The following SCARA3 variants were observed in gnomAD, a reference collection of about 807,000 sequenced individuals.
The protein encoded by SCARA3 is scavenger receptor class A member 3.
SCARA3 carries 39 observed loss-of-function variants against 47.0 expected under a neutral mutation model. The observed-to-expected ratio is 0.83, with a 90% CI of 0.64 to 1.08. The LOEUF (loss-of-function observed/expected upper bound fraction) is 1.08, where lower values mean the gene tolerates loss of function less well. Among genes scored for constraint, SCARA3 ranks in the 50% least tolerant of loss-of-function variants. SCARA3 has a pLI of 0.00. For missense variants in SCARA3, 724 were observed against 792.3 expected (o/e 0.91, Z 1.04); for synonymous variants, 356 against 334.1 (o/e 1.07, Z -0.71).
chr8:27,660,408 A>G (rs143640423), intron 5 of SCARA3, among the ~76,000 whole-genome samples: 40 of 152,176 alleles, frequency 2.6e-4, no homozygotes, highest in South Asian at 6.2e-4. Context: ...AGATAGATGG[A>G]TATATAGATG....
intron 3 of SCARA3, among the ~76,000 whole-genome samples, chr8:27,654,958 A>G (rs1463375815): frequency 6.6e-6 from 1 of 152,200 alleles, no homozygotes; most frequent in East Asian, 1.9e-4. Flanking sequence ...TATGCATGAA[A>G]TCTTAATTGT....
rs1178168934 is a variant in SCARA3 at position 27,634,166 on chromosome 8, A to T, written c.-35A>T. ...CTCCACTACAGCTCCAGCCGCCTGCAGCGGGGCCCTCCTGAGGCCCCAGAG... is the reference window on the plus strand; with the variant it reads ...CTCCACTACAGCTCCAGCCGCCTGCTGCGGGGCCCTCCTGAGGCCCCAGAG... On this transcript the variant is annotated 5_prime_UTR_variant, in exon 1 of 6. Coordinates refer to ENST00000301904, the MANE Select transcript of SCARA3 (RefSeq NM_016240.3). The T allele has an allele frequency of 4.1e-6, 6 of 1,447,944 alleles. No individual in the cohort carries two copies. The highest frequency in any genetic ancestry group is 2.0e-4 in the Middle Eastern group (1 of 5,094). The allele number at this position is 1,447,944 out of a possible 1,614,324, so 89.7% of individuals were successfully genotyped here.
downstream of SCARA3, among the ~76,000 whole-genome samples, chr8:27,676,161 G>A (rs1237254641): frequency 1.3e-5 from 2 of 152,170 alleles, no homozygotes; most frequent in African/African-American, 2.4e-5. Flanking sequence ...GCTATACTGA[G>A]CTGCTTCTTA....
chr8:27,660,155 A>G (rs899600406), intron 5 of SCARA3, among the ~76,000 whole-genome samples: 90 of 151,782 alleles, frequency 5.9e-4, no homozygotes, highest in African/African-American at 1.8e-3. Flanking sequence ...CATCCCCCTC[A>G]TGTCTTCCTT....
chr8:27,650,440 C>A (rs1022213404), intron 2 of SCARA3, among the ~76,000 whole-genome samples: 1 of 152,170 alleles, frequency 6.6e-6, no homozygotes, highest in African/African-American at 2.4e-5. Flanking sequence ...TCATTGTGTC[C>A]CATGCCACCT....
the SCARA3 span, among the ~76,000 whole-genome samples, chr8:27,682,482 A>G: frequency 6.6e-6 from 1 of 152,176 alleles, no homozygotes; most frequent in African/African-American, 2.4e-5. Flanking sequence ...TATGTTACAC[A>G]TTCGGAGAAA....
the SCARA3 span, among the ~76,000 whole-genome samples, chr8:27,722,380 A>AT: frequency 6.6e-6 from 1 of 152,080 alleles, no homozygotes; most frequent in Non-Finnish European, 1.5e-5. Context: ...CAGAGAGCTC[A>AT]TGGTTCATGT....
In SCARA3 at chr8:27,671,603, C is replaced by T. The variant is rs1802160610; in HGVS notation, c.*252C>T. ...ATGCACACATACACGCACATGCACA[C>T]ATACACATGCATGCACACATACACA... On this transcript the variant is annotated 3_prime_UTR_variant, in exon 6 of 6. Coordinates refer to ENST00000301904, the MANE Select transcript of SCARA3 (RefSeq NM_016240.3). The T allele has an allele frequency of 8.1e-7, 1 of 1,229,932 alleles. No individual in the cohort carries two copies. The highest frequency in any genetic ancestry group is 1.0e-6 in the Non-Finnish European group (1 of 986,246). 76.2% of individuals were successfully genotyped at this position (1,229,932 alleles called of 1,614,324 possible).
chr8:27,659,045 A>G lies in SCARA3; in HGVS notation c.875A>G (p.Gln292Arg). The G allele has an allele frequency of 1.2e-6, 2 of 1,614,126 alleles. No individual in the cohort carries two copies. Among genetic ancestry groups the G allele is most frequent in the South Asian group, 1.1e-5 (1 of 91,076 alleles). ...TLGASSQRIS[Q>R]NSESMHDLVL... ...GGGGCCTCCTCACAGCGCATCAGCC[A>G]GAACTCAGAGAGCATGCACGACCTG... Residue 292 changes from glutamine (Q) to arginine (R), a missense_variant, in exon 5 of 6, where the codon CAG (glutamine) becomes CGG (arginine). By Grantham distance (43) the Gln-to-Arg change is conservative (BLOSUM62 1). Coordinates refer to ENST00000301904, the MANE Select transcript of SCARA3 (RefSeq NM_016240.3).
the SCARA3 span, among the ~76,000 whole-genome samples, chr8:27,693,752 T>A: frequency 2.0e-5 from 3 of 152,184 alleles, no homozygotes; most frequent in Non-Finnish European, 4.4e-5. Context: ...CCTGGAGGCT[T>A]GATCTGCATG....
downstream of SCARA3, among the ~76,000 whole-genome samples, chr8:27,681,606 C>T (rs904930671): frequency 1.3e-5 from 2 of 151,990 alleles, no homozygotes; most frequent in Non-Finnish European, 2.9e-5. Flanking sequence ...CCTGTAGCCC[C>T]AGCTACTCTG....
downstream of SCARA3, chr8:27,676,522 C>T (rs1179699780): frequency 8.1e-6 from 13 of 1,600,716 alleles, no homozygotes; most frequent in Non-Finnish European, 1.1e-5. Flanking sequence ...AAGTGAGGAA[C>T]AAACTATTAA....
downstream of SCARA3, among the ~76,000 whole-genome samples, chr8:27,674,606 C>G (rs930661510): frequency 6.6e-6 from 1 of 152,118 alleles, no homozygotes; most frequent in African/African-American, 2.4e-5. Flanking sequence ...TGAGTGGTAA[C>G]AGCCATTGGA....
At chr8:27,729,210 G>A in the SCARA3 span, among the ~76,000 whole-genome samples, 8 of 152,036 alleles carry the variant, frequency 5.3e-5, no homozygotes, top group East Asian at 1.9e-4. Context: ...TCCTTTTTTC[G>A]GTCCTACCAA....
chr8:27,725,784 G>T, the SCARA3 span, among the ~76,000 whole-genome samples: 3 of 152,178 alleles, frequency 2.0e-5, no homozygotes, highest in Non-Finnish European at 4.4e-5. Flanking sequence ...CTTGCCCCAT[G>T]GGATGTCAGA....
chr8:27,686,749 C>T, the SCARA3 span, among the ~76,000 whole-genome samples: 10 of 152,328 alleles, frequency 6.6e-5, no homozygotes, highest in African/African-American at 1.4e-4. Context: ...CGAGTATCCA[C>T]ACCCTCTTCT....
intron 2 of SCARA3, 46 bp from the exon 3 acceptor site, chr8:27,651,462 C>A (rs1585281179): frequency 1.3e-6 from 2 of 1,598,656 alleles, no homozygotes; most frequent in Non-Finnish European, 1.7e-6. Flanking sequence ...TCAGCTCCAA[C>A]CTGGGCCCCT....
chr8:27,656,919 C>A, intron 4 of SCARA3, 39 bp downstream of exon 4: 1 of 1,320,392 alleles, frequency 7.6e-7, no homozygotes, highest in Non-Finnish European at 1.1e-6. Context: ...CAGTGATCTT[C>A]AGGGTGGGGC....
the SCARA3 span, among the ~76,000 whole-genome samples, chr8:27,698,042 T>G: frequency 0.05 from 7,658 of 152,322 alleles, 615 homozygotes; most frequent in East Asian, 0.35. Flanking sequence ...AAGAAAATAC[T>G]GTTAACAACA....
Sources: gnomAD v4.1 joint callset for allele counts (sites outside exome capture counted in the v4.1 genomes callset) on GRCh38, gnomAD v4.1.1 for gene constraint, MANE v1.5 for transcripts, NCBI Gene and HGNC (gene_info 2026-07-23, HGNC 2026-07-21) for gene names.